Variants in ZFHX3 observed in about 807,000 individuals in gnomAD.
ZFHX3 encodes zinc finger homeobox protein 3.
In ZFHX3, 42 loss-of-function variants were observed where a neutral mutation model predicts 279.1. That is an observed-to-expected ratio of 0.15 (90% CI 0.12 to 0.19). The LOEUF is 0.19. Among genes scored for constraint, ZFHX3 ranks in the 10% least tolerant of loss-of-function variants. The pLI, the probability that ZFHX3 is intolerant of heterozygous loss-of-function variation, is 1.00. For missense variants in ZFHX3, 4,981 were observed against 4,754.0 expected (o/e 1.05, Z -1.40); for synonymous variants, 2,293 against 1,957.8 (o/e 1.17, Z -4.52).
At chr16:72,949,321 G>A (rs1960858944) in intron 3 of ZFHX3, among the ~76,000 whole-genome samples, 1 of 152,212 alleles carries the variant, frequency 6.6e-6, no homozygotes, top group Non-Finnish European at 1.5e-5. Context: ...AAGGCAGGAG[G>A]AGAGGCTGAT....
chr16:73,224,033 G>A (rs1046339873), intron 5 of ZFHX3, among the ~76,000 whole-genome samples: 2 of 152,184 alleles, frequency 1.3e-5, no homozygotes, highest in African/African-American at 4.8e-5. Flanking sequence ...AGGAGGGAGG[G>A]ATGAGTAGGC....
At chr16:72,915,040 G>A (rs924945934) in intron 3 of ZFHX3, among the ~76,000 whole-genome samples, 1 of 152,062 alleles carries the variant, frequency 6.6e-6, no homozygotes, top group Non-Finnish European at 1.5e-5. Context: ...CTAACAAGTA[G>A]CCTACGTTAT....
At chr16:73,799,373 C>T (rs929417870) in intron 1 of ZFHX3, among the ~76,000 whole-genome samples, 1 of 152,160 alleles carries the variant, frequency 6.6e-6, no homozygotes, top group Non-Finnish European at 1.5e-5. Flanking sequence ...GCCCATATTA[C>T]GACAGTGGAT....
intron 2 of ZFHX3, among the ~76,000 whole-genome samples, chr16:73,580,219 C>T (rs568007313): frequency 2.0e-5 from 3 of 151,780 alleles, no homozygotes; most frequent in Non-Finnish European, 4.4e-5. Context: ...GTGGCTCATG[C>T]CTGTAATCCC....
chr16:73,044,742 C>G (rs1965231563), intron 1 of ZFHX3, among the ~76,000 whole-genome samples: 6 of 152,152 alleles, frequency 3.9e-5, no homozygotes, highest in Admixed American at 3.9e-4. Flanking sequence ...CTGCCTCGGC[C>G]TCCTGAGTAG....
chr16:73,115,478 A>T (rs1465074756), intron 7 of ZFHX3, among the ~76,000 whole-genome samples: 4 of 150,478 alleles, frequency 2.7e-5, no homozygotes, highest in African/African-American at 9.8e-5. Flanking sequence ...TGAACCTGGG[A>T]GGTCGAGGCT....
rs780414557 is a variant in ZFHX3, at chr16:73,075,758, C to T, written c.-532-16746G>A. 4.0e-5 allele frequency among the ~76,000 whole-genome samples: 6 copies of T among 151,848 alleles called. No homozygotes were observed. The South Asian group carries it at 6.2e-4, about 16-fold the overall frequency. On this transcript the variant is annotated intron_variant, in intron 8 of 17. Transcript: ENST00000641206. Reference sequence around the variant, plus strand: ...AAGGGATTCTCTTGCCTCAGCCTCCCGAGTAACTGGGACTACAGGTGCATG... The same window carrying T: ...AAGGGATTCTCTTGCCTCAGCCTCCTGAGTAACTGGGACTACAGGTGCATG...
chr16:73,374,134 G>A (rs1485801125), intron 3 of ZFHX3, among the ~76,000 whole-genome samples: 2 of 152,172 alleles, frequency 1.3e-5, no homozygotes, highest in African/African-American at 4.8e-5. Context: ...AGAAAATGAG[G>A]GAGCCGGCGA....
chr16:72,952,408 T>C (rs1373735025), intron 2 of ZFHX3, among the ~76,000 whole-genome samples: 2 of 152,324 alleles, frequency 1.3e-5, no homozygotes, highest in East Asian at 3.9e-4. Flanking sequence ...CATGTGGGGC[T>C]ACCCTAGGAC....
rs142074646 is a variant in ZFHX3 at position 72,957,509 on chromosome 16, A to T, written c.2637T>A (p.Ser879Arg). The T allele has an allele frequency of 6.2e-7, 1 of 1,614,188 alleles. No individual in the cohort carries two copies. The change falls in exon 2 of 10, where the codon AGT becomes AGA. Residue 879 changes from serine (S) to arginine (R), a missense_variant. Ser to Arg is a moderately radical substitution (Grantham distance 110). Around this residue, in one of 7 missense-constraint regions of ZFHX3, gnomAD observed 1,751 missense variants for 1,770.0 expected, o/e 0.99. Transcript: ENST00000268489. ...NMNLPNLKMDSAASDAQFMMS... is the reference protein window; with the variant it reads ...NMNLPNLKMDRAASDAQFMMS... ...TCATGAACTGGGCGTCCGAGGCAGC[A>T]CTGTCCATCTTCAGGTTGGGCAGGT...
At chr16:73,131,060 C>T (rs923503647) in exon 7 of ZFHX3, 21 of 1,110,012 alleles carry the variant, frequency 1.9e-5, no homozygotes, top group Non-Finnish European at 2.5e-5. Flanking sequence ...CCCTTGCTGG[C>T]TCTTGTTAAC....
chr16:73,888,059 C>G (rs148164310), intron 1 of ZFHX3, among the ~76,000 whole-genome samples: 1,535 of 152,256 alleles, frequency 0.01, 9 homozygotes, highest in Middle Eastern at 0.034. Context: ...CCCCTCCTTT[C>G]CATCTGCATC....
chr16:73,388,496 G>A (rs941047364), intron 3 of ZFHX3, among the ~76,000 whole-genome samples: 24 of 152,224 alleles, frequency 1.6e-4, no homozygotes, highest in Non-Finnish European at 2.2e-4. Flanking sequence ...TGCACTAGCC[G>A]CTTTTGAAAT....
At chr16:73,534,169 C>A (rs2019854407) in intron 2 of ZFHX3, among the ~76,000 whole-genome samples, 1 of 152,144 alleles carries the variant, frequency 6.6e-6, no homozygotes, top group Admixed American at 6.5e-5. Flanking sequence ...TTCCCCTTGC[C>A]CATTCAGCTC....
intron 2 of ZFHX3, among the ~76,000 whole-genome samples, chr16:73,503,092 C>T (rs1383835902): frequency 6.6e-6 from 1 of 152,218 alleles, no homozygotes; most frequent in Non-Finnish European, 1.5e-5. Context: ...CTAATCAGAG[C>T]TAGATGATGC....
intron 4 of ZFHX3, among the ~76,000 whole-genome samples, chr16:73,308,908 G>C (rs1421274687): frequency 6.6e-6 from 1 of 151,536 alleles, no homozygotes; most frequent in African/African-American, 2.4e-5. Context: ...TGATATGATA[G>C]GGACTACACA....
chr16:72,944,221 G>A (rs1011216562), intron 3 of ZFHX3, among the ~76,000 whole-genome samples: 5 of 152,302 alleles, frequency 3.3e-5, no homozygotes, highest in African/African-American at 1.2e-4. Flanking sequence ...GGAGGCAGAC[G>A]TTGCAGCCAG....
chr16:73,304,799 C>A (rs2015142055), intron 4 of ZFHX3, among the ~76,000 whole-genome samples: 1 of 152,180 alleles, frequency 6.6e-6, no homozygotes, highest in African/African-American at 2.4e-5. Context: ...AGAGCAGCCT[C>A]CATAAATCTG....
intron 4 of ZFHX3, among the ~76,000 whole-genome samples, chr16:72,873,204 T>G (rs1027599984): frequency 6.6e-6 from 1 of 152,238 alleles, no homozygotes; most frequent in African/African-American, 2.4e-5. Context: ...CTTCTGTTCT[T>G]TTTATATTCC....
Sources: allele counts gnomAD v4.1 joint callset (sites outside exome capture counted in the v4.1 genomes callset), GRCh38; gene constraint gnomAD v4.1.1; regional missense constraint gnomAD v4.1.1; transcripts MANE v1.5; gene names NCBI Gene and HGNC (gene_info 2026-07-23, HGNC 2026-07-21).